The following CADM2 variants were observed in gnomAD, a reference collection of about 807,000 sequenced individuals.
CADM2 encodes cell adhesion molecule 2, also known as immunoglobulin superfamily member 4D.
In CADM2, 12 loss-of-function variants were observed where a neutral mutation model predicts 49.8. The ratio of observed to expected loss-of-function variants is 0.24; its 90% CI spans 0.15 to 0.39. The LOEUF (loss-of-function observed/expected upper bound fraction) is 0.39, where lower values mean the gene tolerates loss of function less well. CADM2 is among the 10% of genes least tolerant of loss of function. The pLI is 1.00. For missense variants in CADM2, 378 were observed against 492.3 expected (o/e 0.77, Z 2.20); for synonymous variants, 214 against 175.4 (o/e 1.22, Z -1.74).
At chr3:85,379,945 G>A (rs1332176835) in intron 1 of CADM2, among the ~76,000 whole-genome samples, 4 of 151,944 alleles carry the variant, frequency 2.6e-5, no homozygotes, top group South Asian at 2.1e-4. Flanking sequence ...CACATTCTAC[G>A]CAAGAAAGCT....
intron 1 of CADM2, among the ~76,000 whole-genome samples, chr3:85,470,782 A>G (rs2038732117): frequency 6.6e-6 from 1 of 152,178 alleles, no homozygotes; most frequent in Non-Finnish European, 1.5e-5. Context: ...CTCAGACATA[A>G]AGAACATAAC....
At chr3:85,557,734 TAGAC>T (rs1460203099) in intron 1 of CADM2, among the ~76,000 whole-genome samples, 1 of 151,996 alleles carries the variant, frequency 6.6e-6, no homozygotes, top group East Asian at 1.9e-4. Context: ...AAGCTACAAA[TAGAC>T]AAATAGCTCA....
chr3:85,758,719 C>T (rs2069234305), intron 2 of CADM2, among the ~76,000 whole-genome samples: 1 of 152,088 alleles, frequency 6.6e-6, no homozygotes, highest in Non-Finnish European at 1.5e-5. Flanking sequence ...GCAGTAATCT[C>T]ACCCAAGGTG....
chr3:85,999,767 TAGATA>T (rs1729936091), intron 8 of CADM2, among the ~76,000 whole-genome samples: 1 of 152,030 alleles, frequency 6.6e-6, no homozygotes, highest in Non-Finnish European at 1.5e-5. Context: ...ATGAAGTGAT[TAGATA>T]AAAGTCAGAC....
At chr3:85,259,679 A>G (rs530245643) in intron 1 of CADM2, among the ~76,000 whole-genome samples, 14 of 152,264 alleles carry the variant, frequency 9.2e-5, no homozygotes, top group African/African-American at 3.1e-4. Flanking sequence ...GAACTGAAAC[A>G]ATTATCCAAA....
chr3:85,452,912 A>G (rs1302335952), intron 1 of CADM2, among the ~76,000 whole-genome samples: 1 of 152,166 alleles, frequency 6.6e-6, no homozygotes, highest in African/African-American at 2.4e-5. Context: ...GACACATACA[A>G]AGGCATGCAG....
intron 8 of CADM2, among the ~76,000 whole-genome samples, chr3:86,022,703 G>C (rs190964123): frequency 2.0e-3 from 305 of 152,106 alleles, no homozygotes; most frequent in Non-Finnish European, 3.8e-3. Context: ...TGCACTTAGA[G>C]AGCGTCCTCA....
Position 85,898,937 on chromosome 3 carries a change from G to GTGTA in CADM2, c.529+12611_529+12612insGTAT, listed in dbSNP as rs796467067. Reference sequence around the variant, plus strand: ...TCATAAAATCCAATTCATTTATTGTGTATATATATATATATATATTTTTTT... The same window carrying GTGTA: ...TCATAAAATCCAATTCATTTATTGTGTGTATATATATATATATATATATTTTTTT... On this transcript the variant is annotated intron_variant, in intron 5 of 9. Coordinates refer to ENST00000383699, the MANE Select transcript of CADM2 (RefSeq NM_001167675.2). Among the ~76,000 whole-genome samples the GTGTA allele has an allele frequency of 3.6e-3, 168 of 46,692 alleles. 11 individuals carry two copies. The highest frequency in any genetic ancestry group is 0.011 in the East Asian group (15 of 1,388). The allele number at this position is 46,692 out of a possible 152,430, so 30.6% of individuals were successfully genotyped here. A position where few individuals can be genotyped will look rare whatever the true frequency, so the allele number is the denominator to read the frequency against.
intron 1 of CADM2, among the ~76,000 whole-genome samples, chr3:85,093,875 G>A (rs904891047): frequency 1.3e-5 from 2 of 152,038 alleles, no homozygotes; most frequent in African/African-American, 4.8e-5. Context: ...TTGGGGGAGG[G>A]TGGGAAGGAG....
intron 1 of CADM2, among the ~76,000 whole-genome samples, chr3:84,994,931 G>A (rs1233619523): frequency 6.6e-6 from 1 of 152,018 alleles, no homozygotes; most frequent in Non-Finnish European, 1.5e-5. Context: ...GGAGGCTGAG[G>A]CAGGAGAATC....
intron 1 of CADM2, among the ~76,000 whole-genome samples, chr3:85,096,580 A>G (rs1000490587): frequency 5.3e-5 from 8 of 152,044 alleles, no homozygotes; most frequent in African/African-American, 1.4e-4. Context: ...GAATATTCGT[A>G]TATCTATAAA....
chr3:85,853,027 C>T (rs1042391247), intron 3 of CADM2, among the ~76,000 whole-genome samples: 6 of 151,944 alleles, frequency 3.9e-5, no homozygotes, highest in Non-Finnish European at 7.4e-5. Context: ...GTATTTAAAA[C>T]TTAAGCATAA....
intron 1 of CADM2, among the ~76,000 whole-genome samples, chr3:85,491,999 A>G (rs1462874306): frequency 1.3e-5 from 2 of 151,930 alleles, no homozygotes; most frequent in South Asian, 2.1e-4. Context: ...CTGTAAGGGA[A>G]AAGATACACT....
chr3:85,552,433 T>A (rs1576785641), intron 1 of CADM2, among the ~76,000 whole-genome samples: 2 of 137,108 alleles, frequency 1.5e-5, no homozygotes, highest in Admixed American at 1.6e-4. Flanking sequence ...CAGGCTGGAG[T>A]GCAGTGGCGC....
chr3:85,811,407 A>C (rs996114421), intron 3 of CADM2, among the ~76,000 whole-genome samples: 1 of 152,210 alleles, frequency 6.6e-6, no homozygotes, highest in African/African-American at 2.4e-5. Flanking sequence ...TCTAATGATT[A>C]ATTTATGTAT....
rs374763892 is a variant in CADM2 at position 85,855,617 on chromosome 3, A to ATATATATATATATATATAT, written c.239-27674_239-27673insTATATATATATATATATAT. ...ATATATAAAACATATATATATATAT[A>ATATATATATATATATATAT]AAACATATATATATATATATATATT... On this transcript the variant is annotated intron_variant, in intron 3 of 9. Coordinates refer to ENST00000383699, the MANE Select transcript of CADM2 (RefSeq NM_001167675.2). 1.0e-3 allele frequency among the ~76,000 whole-genome samples: 44 copies of ATATATATATATATATATAT among 42,460 alleles called. 1 individual carries two copies. The highest frequency in any genetic ancestry group is 1.5e-3 in the South Asian group (2 of 1,324). The allele number at this position is 42,460 out of a possible 152,430, so 27.9% of individuals were successfully genotyped here.
chr3:85,944,279 T>A (rs755775436), intron 7 of CADM2, among the ~76,000 whole-genome samples: 16 of 152,026 alleles, frequency 1.1e-4, no homozygotes, highest in Non-Finnish European at 2.2e-4. Flanking sequence ...AAGCAAATCC[T>A]TAGAGACCTG....
intron 1 of CADM2, among the ~76,000 whole-genome samples, chr3:85,410,521 G>C (rs2035607290): frequency 6.6e-6 from 1 of 151,982 alleles, no homozygotes; most frequent in Non-Finnish European, 1.5e-5. Flanking sequence ...TCTATAATTT[G>C]ATATTTTCTA....
At chr3:85,210,711 T>C (rs1221826204) in intron 1 of CADM2, among the ~76,000 whole-genome samples, 1 of 152,028 alleles carries the variant, frequency 6.6e-6, no homozygotes, top group African/African-American at 2.4e-5. Flanking sequence ...CGGCTAATTA[T>C]TGTACTTTTT....
Sources: gnomAD v4.1 joint callset for allele counts (sites outside exome capture counted in the v4.1 genomes callset) on GRCh38, gnomAD v4.1.1 for gene constraint, MANE v1.5 for transcripts, NCBI Gene and HGNC (gene_info 2026-07-23, HGNC 2026-07-21) for gene names.